Variants in PDZRN3 observed in about 807,000 individuals in gnomAD.
PDZRN3 encodes PDZ domain containing ring finger 3.
Under a neutral mutation model 85.7 loss-of-function variants are expected in PDZRN3, and 38 were observed. The observed-to-expected ratio is 0.44, with a 90% confidence interval of 0.34 to 0.58. The LOEUF is 0.58. Among genes scored for constraint, PDZRN3 ranks in the 20% least tolerant of loss-of-function variants. The pLI is 0.01. For synonymous variants in PDZRN3, 759 were observed against 638.0 expected (o/e 1.19, Z -2.86); for missense variants, 1,629 against 1,506.4 (o/e 1.08, Z -1.35).
At chr3:73,393,184 C>T (rs1186792266) in intron 5 of PDZRN3, among the ~76,000 whole-genome samples, 3 of 152,028 alleles carry the variant, frequency 2.0e-5, no homozygotes. Context: ...ACGTGCAACC[C>T]AAGCAGAGAG....
At chr3:73,581,538 C>T (rs966188333) in intron 3 of PDZRN3, among the ~76,000 whole-genome samples, 2 of 151,924 alleles carry the variant, frequency 1.3e-5, no homozygotes, top group African/African-American at 4.8e-5. Flanking sequence ...TCTTGGAGTC[C>T]GAGTCCCAGG....
chr3:73,496,815 G>A (rs758648717), intron 3 of PDZRN3, among the ~76,000 whole-genome samples: 19 of 152,150 alleles, frequency 1.2e-4, no homozygotes, highest in Admixed American at 2.6e-4. Context: ...GCAAACAATT[G>A]TAAGTTTTAC....
At chr3:73,476,813 G>C (rs912645061) in intron 3 of PDZRN3, among the ~76,000 whole-genome samples, 1 of 152,152 alleles carries the variant, frequency 6.6e-6, no homozygotes, top group Admixed American at 6.5e-5. Flanking sequence ...CCCTGTGAGT[G>C]AGCCGTCATG....
intron 3 of PDZRN3, among the ~76,000 whole-genome samples, chr3:73,536,431 C>T (rs1039153592): frequency 4.6e-5 from 7 of 152,204 alleles, no homozygotes; most frequent in Non-Finnish European, 8.8e-5. Context: ...CCAGGCATCA[C>T]TGCTGCTAAG....
At position 73,410,782 on chromosome 3, in the gene PDZRN3, C is replaced by T. The variant is rs542973134; in HGVS notation, c.919-6387G>A. Among the ~76,000 whole-genome samples the T allele has an allele frequency of 1.8e-4, 27 of 152,324 alleles. 1 individual carries two copies. The South Asian group carries it at 5.6e-3, about 32-fold the overall frequency. On this transcript the variant is annotated intron_variant, in intron 3 of 9. Coordinates refer to ENST00000263666, the MANE Select transcript of PDZRN3 (RefSeq NM_015009.3). The stretch of plus-strand genomic sequence containing the variant: ...ACTTTCTTTTCAGATACCAATCCCA[C>T]CTTAGTATCTCCTTTGGAAACCTTG...
chr3:73,472,830 A>G (rs2106889033), intron 3 of PDZRN3, among the ~76,000 whole-genome samples: 1 of 152,344 alleles, frequency 6.6e-6, no homozygotes, highest in South Asian at 2.1e-4. Flanking sequence ...CAAAAACACC[A>G]AAAGTTTAAT....
At chr3:73,569,096 TG>T (rs1702001933) in intron 3 of PDZRN3, 10 of 1,117,630 alleles carry the variant, frequency 8.9e-6, no homozygotes, top group Non-Finnish European at 1.2e-5. Flanking sequence ...AGCTGAACTT[TG>T]AACCCAGCTC....
chr3:73,521,507 T>A (rs894146885), intron 3 of PDZRN3, among the ~76,000 whole-genome samples: 7 of 152,058 alleles, frequency 4.6e-5, no homozygotes, highest in Admixed American at 6.6e-5. Flanking sequence ...TAAAAACTTG[T>A]TGAGTCTCTC....
intron 3 of PDZRN3, among the ~76,000 whole-genome samples, chr3:73,475,456 C>T (rs567552369): frequency 2.0e-5 from 3 of 148,598 alleles, no homozygotes; most frequent in South Asian, 4.2e-4. Flanking sequence ...CACAGGGTTC[C>T]CCCCCCAACT....
At chr3:73,413,432 G>A (rs536476845) in intron 3 of PDZRN3, among the ~76,000 whole-genome samples, 17 of 152,068 alleles carry the variant, frequency 1.1e-4, no homozygotes, top group Non-Finnish European at 2.4e-4. Flanking sequence ...GTTCTGTGTC[G>A]GGCAGTGCAA....
At chr3:73,522,695 C>G (rs1704398972) in intron 3 of PDZRN3, among the ~76,000 whole-genome samples, 1 of 152,146 alleles carries the variant, frequency 6.6e-6, no homozygotes, top group Non-Finnish European at 1.5e-5. Flanking sequence ...CTTGGCCTCC[C>G]AAAGTGCTGG....
chr3:73,624,601 G>A lies in PDZRN3; in HGVS notation c.225C>T (p.Ile75=), dbSNP rs762806740. 1 of 1,557,794 alleles carries A rather than the reference G, an allele frequency of 6.4e-7. No individual in the cohort carries two copies. Among genetic ancestry groups the A allele is most frequent in the Admixed American group, 1.9e-5 (1 of 53,534 alleles). Reference sequence around the variant, plus strand: ...ACGCGCACTTGATGTCCAGCTTGAGGATAAGGCGCTTGAGCGGCAGGACGT... The same window carrying A: ...ACGCGCACTTGATGTCCAGCTTGAGAATAAGGCGCTTGAGCGGCAGGACGT... ...LNHVLPLKRL[I]LKLDIKCAYA... The change falls in exon 1 of 10, where the codon ATC becomes ATT. Residue 75 remains isoleucine (I), a synonymous_variant. Coordinates refer to ENST00000263666, the MANE Select transcript of PDZRN3 (RefSeq NM_015009.3).
intron 4 of PDZRN3, among the ~76,000 whole-genome samples, chr3:73,401,518 T>C (rs1345606421): frequency 6.6e-6 from 1 of 152,210 alleles, no homozygotes; most frequent in Non-Finnish European, 1.5e-5. Flanking sequence ...CACAATAATA[T>C]GTTTGATATC....
intron 1 of PDZRN3, among the ~76,000 whole-genome samples, chr3:73,619,169 C>T (rs1702813213): frequency 6.6e-6 from 1 of 152,152 alleles, no homozygotes; most frequent in Non-Finnish European, 1.5e-5. Context: ...CGGAGAAACT[C>T]ATTCTTTTTA....
chr3:73,542,803 T>C (rs191678930), intron 3 of PDZRN3, among the ~76,000 whole-genome samples: 54 of 151,644 alleles, frequency 3.6e-4, no homozygotes, highest in African/African-American at 1.3e-3. Flanking sequence ...AAAATAAAAA[T>C]AAAAAAGACT....
Position 73,588,530 on chromosome 3 carries a change from GC to G in PDZRN3, c.918+13823del, listed in dbSNP as rs1702309175. ...CAGAATGGGACCAGCACCCTCAAAA[GC>G]CCTCCTCAGTCCTGTTTCCCACCAC... On this transcript the variant is annotated intron_variant, in intron 3 of 9. Coordinates refer to ENST00000263666, the MANE Select transcript of PDZRN3 (RefSeq NM_015009.3). Among the ~76,000 whole-genome samples, 4 of 152,234 alleles carry G rather than the reference GC, an allele frequency of 2.6e-5. No individual in the cohort carries two copies. In the South Asian group the frequency reaches 8.3e-4, roughly 32 times the overall value.
At chr3:73,389,273 G>A (rs796468419) in intron 7 of PDZRN3, among the ~76,000 whole-genome samples, 4 of 152,214 alleles carry the variant, frequency 2.6e-5, no homozygotes, top group African/African-American at 7.2e-5. Flanking sequence ...TGGACTAGAC[G>A]GAGCAACAGG....
intron 2 of PDZRN3, among the ~76,000 whole-genome samples, chr3:73,606,061 A>C (rs934504208): frequency 1.3e-5 from 2 of 152,258 alleles, no homozygotes; most frequent in Admixed American, 1.3e-4. Flanking sequence ...GCTTTAACAC[A>C]GTAGGTTTCC....
intron 3 of PDZRN3, among the ~76,000 whole-genome samples, chr3:73,525,374 G>T (rs1001696696): frequency 7.9e-5 from 12 of 152,244 alleles, no homozygotes; most frequent in Admixed American, 3.9e-4. Context: ...CCCCATAAAA[G>T]ACCACTGAGG....
Sources: allele counts gnomAD v4.1 joint callset (sites outside exome capture counted in the v4.1 genomes callset), GRCh38; gene constraint gnomAD v4.1.1; transcripts MANE v1.5; gene names NCBI Gene and HGNC (gene_info 2026-07-23, HGNC 2026-07-21).